The following MYH3 variants were observed in gnomAD, a reference collection of about 807,000 sequenced individuals.
MYH3 encodes the protein myosin-3.
In MYH3, 130 loss-of-function variants were observed where a neutral mutation model predicts 238.0. The ratio of observed to expected loss-of-function variants is 0.55; its 90% CI spans 0.47 to 0.63. The LOEUF (loss-of-function observed/expected upper bound fraction) is 0.63. Among genes scored for constraint, MYH3 ranks in the 30% least tolerant of loss-of-function variants. The probability of loss-of-function intolerance (pLI) is 0.00; values close to 1 mark genes in which losing one functional copy is unlikely to be tolerated. For missense variants in MYH3, 1,853 were observed against 2,374.9 expected (o/e 0.78, Z 4.57); for synonymous variants, 880 against 924.1 (o/e 0.95, Z 0.86).
chr17:10,664,061 T>TAAAAAAAA, the MYH3 span, among the ~76,000 whole-genome samples: 1 of 115,030 alleles, frequency 8.7e-6, no homozygotes. Flanking sequence ...AGACTCCGTC[T>TAAAAAAAA]TAAAAAAAAA....
chr17:10,652,142 C>T (rs1364427204), intron 4 of MYH3: 3 of 491,746 alleles, frequency 6.1e-6, no homozygotes, highest in Non-Finnish European at 1.1e-5. Flanking sequence ...AGGGGAGTGG[C>T]GACCCTCCCA....
chr17:10,648,547 T>C lies in MYH3; in HGVS notation c.735+10A>G, dbSNP rs772265959. 1.2e-6 allele frequency: 2 copies of C among 1,611,682 alleles called. No homozygotes were observed. Among genetic ancestry groups the C allele is most frequent in the Admixed American group, 3.3e-5 (2 of 60,018 alleles). On this transcript the variant is annotated intron_variant, in intron 8 of 40. Transcript: ENST00000583535. ...AAAGCAAATTCCATCTTAACCAAAC[T>C]CAGACTCACAAAACGGGAGGAGTTG...
At chr17:10,666,591 A>G in the MYH3 span, among the ~76,000 whole-genome samples, 1 of 151,286 alleles carries the variant, frequency 6.6e-6, no homozygotes, top group Non-Finnish European at 1.5e-5. Context: ...AAAAAAAAAA[A>G]AAAAAACTTA....
Position 10,637,707 on chromosome 17 carries a change from T to C in MYH3, c.3856+102A>G, listed in dbSNP as rs1482261450. 1.3e-5 allele frequency: 19 copies of C among 1,505,594 alleles called. No individual in the cohort carries two copies. The East Asian group carries it at 3.4e-4, about 27-fold the overall frequency. 93.3% of individuals were successfully genotyped at this position (1,505,594 alleles called of 1,614,324 possible). A position where few individuals can be genotyped will look rare whatever the true frequency, so the allele number is the denominator to read the frequency against. On this transcript the variant is annotated intron_variant, in intron 28 of 40. Coordinates refer to ENST00000583535, the MANE Select transcript of MYH3 (RefSeq NM_002470.4). ...CTTCTCTCCTGAAAAGATGCTTCCCTAGAGATTCTCCCTCAAACACACCCT... is the reference window on the plus strand; with the variant it reads ...CTTCTCTCCTGAAAAGATGCTTCCCCAGAGATTCTCCCTCAAACACACCCT...
the MYH3 span, among the ~76,000 whole-genome samples, chr17:10,664,075 A>AAAG: frequency 1.3e-5 from 2 of 151,744 alleles, no homozygotes; most frequent in African/African-American, 4.8e-5. Flanking sequence ...AAAAAAAAAA[A>AAAG]AAAAAAAAAA....
intron 26 of MYH3, 27 bp downstream of exon 26, chr17:10,638,846 G>A (rs1303913567): frequency 1.2e-6 from 2 of 1,606,780 alleles, no homozygotes; most frequent in South Asian, 2.2e-5. Flanking sequence ...GCCTCACATG[G>A]AAGAGAGAAA....
At chr17:10,664,818 C>CA in the MYH3 span, among the ~76,000 whole-genome samples, 3 of 152,074 alleles carry the variant, frequency 2.0e-5, no homozygotes, top group Non-Finnish European at 4.4e-5. Context: ...ATGATTTGAG[C>CA]AAAACAGGTG....
intron 12 of MYH3, among the ~76,000 whole-genome samples, chr17:10,645,015 C>G (rs1180016997): frequency 1.3e-5 from 2 of 151,100 alleles, no homozygotes; most frequent in Non-Finnish European, 2.9e-5. Flanking sequence ...ATTCACTTCT[C>G]CAGATGGAAG....
At position 10,649,747 on chromosome 17, in the gene MYH3, A is replaced by G. The variant is rs2074357355; in HGVS notation, c.534-62T>C. 2.6e-5 allele frequency: 38 copies of G among 1,467,538 alleles called. 1 individual carries two copies. The South Asian group carries it at 4.3e-4, about 17-fold the overall frequency. 90.9% of individuals were successfully genotyped at this position (1,467,538 alleles called of 1,614,324 possible). Reference sequence around the variant, plus strand: ...GTCTGTTAGTATAAACAGGCTTTTCAGGATGTCATACTGAGGCCTGGGCAT... The same window carrying G: ...GTCTGTTAGTATAAACAGGCTTTTCGGGATGTCATACTGAGGCCTGGGCAT... On this transcript the variant is annotated intron_variant, in intron 6 of 40. Transcript: ENST00000583535.
In MYH3 at chr17:10,635,360, T is replaced by G. The variant is rs758324287; in HGVS notation, c.4172+7A>C. The stretch of plus-strand genomic sequence containing the variant: ...TAGTTCTTCTAAAAGCAAACAGAGC[T>G]GCGCACTTGGCCTCCTCCAGCTCTT... On this transcript the variant is annotated splice_region_variant and intron_variant, in intron 30 of 40. Transcript: ENST00000583535. 1 of 1,614,048 alleles carries G rather than the reference T, an allele frequency of 6.2e-7. No individual in the cohort carries two copies. The highest frequency in any genetic ancestry group is 1.1e-5 in the South Asian group (1 of 91,082).
intron 5 of MYH3, among the ~76,000 whole-genome samples, chr17:10,650,877 G>T (rs7209483): frequency 0.63 from 95,663 of 151,848 alleles, 32,036 homozygotes; most frequent in Non-Finnish European, 0.77. Flanking sequence ...CTCAGAGAGG[G>T]CAAGTCTCCA....
chr17:10,651,670 T>G lies in MYH3; in HGVS notation c.349-2A>C. Reference sequence around the variant, plus strand: ...GACACAGAAGAGGCCTGAGTAGGTCTGTGGGAGGAAAAACATATACGTGCG... The same window carrying G: ...GACACAGAAGAGGCCTGAGTAGGTCGGTGGGAGGAAAAACATATACGTGCG... On this transcript the variant is annotated splice_acceptor_variant, in intron 4 of 40. Coordinates refer to ENST00000583535, the MANE Select transcript of MYH3 (RefSeq NM_002470.4). LOFTEE classifies it high-confidence loss of function. 3 of 1,613,968 alleles carry G rather than the reference T, an allele frequency of 1.9e-6. No individual in the cohort carries two copies. Among genetic ancestry groups the G allele is most frequent in the Non-Finnish European group, 2.5e-6 (3 of 1,179,968 alleles).
chr17:10,633,104 C>T (rs1246899103), intron 33 of MYH3, among the ~76,000 whole-genome samples: 1 of 151,978 alleles, frequency 6.6e-6, no homozygotes, highest in Non-Finnish European at 1.5e-5. Flanking sequence ...CCCAGCTACT[C>T]GGGAGGCTGA....
At chr17:10,637,985 A>C (rs1366608720) in intron 27 of MYH3, 50 bp from the exon 28 acceptor site, 1 of 1,614,070 alleles carries the variant, frequency 6.2e-7, no homozygotes, top group South Asian at 1.1e-5. Context: ...GTCAGGTTTC[A>C]ATGACCACGG....
At chr17:10,645,418 C>T (rs1469093793) in intron 12 of MYH3, among the ~76,000 whole-genome samples, 1 of 151,972 alleles carries the variant, frequency 6.6e-6, no homozygotes, top group Non-Finnish European at 1.5e-5. Context: ...GATGACAGAG[C>T]AAAACTCTGT....
rs150951216 is a variant in MYH3, at chr17:10,645,928, C to G, written c.1002+1G>C. 1.2e-6 allele frequency: 2 copies of G among 1,613,796 alleles called. No individual in the cohort carries two copies. The highest frequency in any genetic ancestry group is 1.7e-6 in the Non-Finnish European group (2 of 1,179,856). Reference sequence around the variant, plus strand: ...CCACCCCTTCTGTTGGTTCCACTTACGTCTGTAGCCAGCAGCTCCTCTGCA... The same window carrying G: ...CCACCCCTTCTGTTGGTTCCACTTAGGTCTGTAGCCAGCAGCTCCTCTGCA... On this transcript the variant is annotated splice_donor_variant, in intron 11 of 40. Transcript: ENST00000583535. LOFTEE classifies it high-confidence loss of function.
chr17:10,669,388 A>T, the MYH3 span, among the ~76,000 whole-genome samples: 1 of 151,956 alleles, frequency 6.6e-6, no homozygotes, highest in African/African-American at 2.4e-5. Flanking sequence ...CCCCATCTCT[A>T]CTAAAAATAC....
At chr17:10,636,895 CAG>C (rs1210172321) in intron 28 of MYH3, among the ~76,000 whole-genome samples, 4 of 150,856 alleles carry the variant, frequency 2.7e-5, no homozygotes, top group Admixed American at 1.3e-4. Flanking sequence ...GCCTGGGTGA[CAG>C]AGAGTGAGAC....
chr17:10,652,447 C>T lies in MYH3; in HGVS notation c.321G>A (p.Lys107=), dbSNP rs138935625. 3.6e-5 allele frequency: 58 copies of T among 1,613,996 alleles called. No homozygotes were observed. In the African/African-American group the frequency reaches 7.6e-4, roughly 21 times the overall value. ...LNEPAVLYNL[K]DRYTSWMIYT... The stretch of plus-strand genomic sequence containing the variant: ...AGATCATCCAAGATGTGTAACGGTC[C>T]TTCAGGTTGTACAGCACGGCTGGCT... Residue 107 remains lysine (K), a synonymous_variant, in exon 4 of 41, where the codon AAG becomes AAA. Coordinates refer to ENST00000583535, the MANE Select transcript of MYH3 (RefSeq NM_002470.4).
Sources: allele counts gnomAD v4.1 joint callset (sites outside exome capture counted in the v4.1 genomes callset), GRCh38; gene constraint gnomAD v4.1.1; transcripts MANE v1.5; gene names NCBI Gene and HGNC (gene_info 2026-07-23, HGNC 2026-07-21).